LUZP1: variants seen among roughly 807,000 people sequenced by gnomAD.
The protein encoded by LUZP1 is filamin mechanobinding actin cross-linking protein.
Under a neutral mutation model 71.3 loss-of-function variants are expected in LUZP1, and 25 were observed. That is an observed-to-expected ratio of 0.35 (90% CI 0.26 to 0.49). LUZP1 has a LOEUF of 0.49. Ranked by LOEUF, LUZP1 falls within the 20% of genes least tolerant of loss-of-function variation. The pLI, the probability that LUZP1 is intolerant of heterozygous loss-of-function variation, is 0.99. For synonymous variants in LUZP1, 481 were observed against 506.4 expected (o/e 0.95, Z 0.67); for missense variants, 1,142 against 1,300.8 (o/e 0.88, Z 1.88).
chr1:23,176,879 TTTTTTG>T lies in LUZP1; in HGVS notation c.-485+606_-485+611del, dbSNP rs1557706560. ...CTTGGAGAGCTATAATTTTGGGGGG[TTTTTTG>T]TTTTTTGTTTTTTGAGACAGGGTCT... On this transcript the variant is annotated intron_variant, in intron 1 of 4. Transcript: ENST00000302291. Among the ~76,000 whole-genome samples, 7 of 127,602 alleles carry T rather than the reference TTTTTTG, an allele frequency of 5.5e-5. No homozygotes were observed. The East Asian group carries it at 7.6e-4, about 14-fold the overall frequency. The allele number at this position is 127,602 out of a possible 152,430, so 83.7% of individuals were successfully genotyped here.
At chr1:23,084,169 C>CAGAT (rs752152227) in exon 5 of LUZP1, 11 of 152,168 alleles carry the variant, frequency 7.2e-5, no homozygotes, top group East Asian at 1.9e-4. Flanking sequence ...GCTGGTTTAA[C>CAGAT]AGATTGCCAC....
chr1:23,089,347 G>A (rs1643818522), intron 4 of LUZP1, among the ~76,000 whole-genome samples: 1 of 152,116 alleles, frequency 6.6e-6, no homozygotes, highest in African/African-American at 2.4e-5. Context: ...ATGGGGGCAT[G>A]GGACTAGCAC....
chr1:23,117,496 T>C (rs902561866), intron 2 of LUZP1, among the ~76,000 whole-genome samples: 12 of 9,880 alleles, frequency 1.2e-3, no homozygotes, highest in Non-Finnish European at 1.4e-3. Context: ...CCCCCCACAA[T>C]CAGGAAGCCC....
At chr1:23,177,291 C>G (rs951654855) in intron 1 of LUZP1, among the ~76,000 whole-genome samples, 4 of 152,174 alleles carry the variant, frequency 2.6e-5, no homozygotes, top group Non-Finnish European at 5.9e-5. Flanking sequence ...AAGGGGTTCA[C>G]AGACCTCTGA....
chr1:23,116,267 G>C (rs1045957406), intron 2 of LUZP1, among the ~76,000 whole-genome samples: 1 of 152,162 alleles, frequency 6.6e-6, no homozygotes, highest in African/African-American at 2.4e-5. Context: ...TGTAGTCCCA[G>C]CTACTCGGGT....
At chr1:23,160,435 T>G (rs1315493215) in intron 2 of LUZP1, among the ~76,000 whole-genome samples, 1 of 152,318 alleles carries the variant, frequency 6.6e-6, no homozygotes, top group East Asian at 1.9e-4. Context: ...AAGAAGGAAC[T>G]CTGCATAGTT....
chr1:23,137,764 G>A (rs373619404), intron 2 of LUZP1, among the ~76,000 whole-genome samples: 23 of 152,182 alleles, frequency 1.5e-4, no homozygotes, highest in African/African-American at 5.1e-4. Context: ...TATTGAGAAT[G>A]TAACATGATA....
chr1:23,122,005 C>T (rs1335401140), intron 2 of LUZP1, among the ~76,000 whole-genome samples: 1 of 152,034 alleles, frequency 6.6e-6, no homozygotes, highest in Non-Finnish European at 1.5e-5. Context: ...GAGCAAGAGT[C>T]TGTCTTAAAA....
At chr1:23,114,378 C>G (rs945387223) in intron 2 of LUZP1, among the ~76,000 whole-genome samples, 1 of 152,134 alleles carries the variant, frequency 6.6e-6, no homozygotes, top group African/African-American at 2.4e-5. Context: ...AGTCTCTTCA[C>G]CAAAAAGCCA....
intron 2 of LUZP1, among the ~76,000 whole-genome samples, chr1:23,143,534 T>A (rs1644321504): frequency 1.3e-5 from 2 of 152,192 alleles, no homozygotes; most frequent in Non-Finnish European, 2.9e-5. Flanking sequence ...CTATAGTGTT[T>A]TAGTTGCTTC....
intron 2 of LUZP1, among the ~76,000 whole-genome samples, chr1:23,152,307 T>C (rs1413449215): frequency 2.0e-5 from 3 of 152,188 alleles, no homozygotes; most frequent in African/African-American, 7.2e-5. Flanking sequence ...AAACGTACTG[T>C]ATTTTTTTCC....
At chr1:23,170,001 A>C (rs1047206323) in intron 1 of LUZP1, among the ~76,000 whole-genome samples, 8 of 136,208 alleles carry the variant, frequency 5.9e-5, no homozygotes, top group African/African-American at 1.4e-4. Flanking sequence ...CACACACACA[A>C]AGTTTATCCA....
chr1:23,095,582 T>C (rs976638521), intron 3 of LUZP1, among the ~76,000 whole-genome samples: 1 of 152,110 alleles, frequency 6.6e-6, no homozygotes, highest in African/African-American at 2.4e-5. Context: ...AGGCAAGAGT[T>C]TGGGCTCAAT....
chr1:23,122,645 C>G (rs1278041560), intron 2 of LUZP1, among the ~76,000 whole-genome samples: 1 of 152,204 alleles, frequency 6.6e-6, no homozygotes, highest in Admixed American at 6.5e-5. Flanking sequence ...TACAAGATTC[C>G]AGGACACTGA....
At chr1:23,155,336 T>C (rs953476093) in intron 2 of LUZP1, among the ~76,000 whole-genome samples, 2 of 152,204 alleles carry the variant, frequency 1.3e-5, no homozygotes, top group African/African-American at 4.8e-5. Context: ...TTGACCTCAT[T>C]TACTTACAGG....
chr1:23,095,852 A>C (rs929626436), intron 3 of LUZP1, among the ~76,000 whole-genome samples: 1 of 152,118 alleles, frequency 6.6e-6, no homozygotes, highest in South Asian at 2.1e-4. Context: ...ACTAACATAA[A>C]ATGGCCATCA....
intron 1 of LUZP1, among the ~76,000 whole-genome samples, chr1:23,171,956 C>A (rs902717707): frequency 6.6e-6 from 1 of 152,200 alleles, no homozygotes; most frequent in Non-Finnish European, 1.5e-5. Context: ...CAGGAAAGAT[C>A]GGGATTCAAA....
intron 3 of LUZP1, among the ~76,000 whole-genome samples, chr1:23,106,161 A>T (rs1643979473): frequency 6.6e-6 from 1 of 152,218 alleles, no homozygotes; most frequent in South Asian, 2.1e-4. Flanking sequence ...AGCTAGCATG[A>T]TTTATTCTTA....
intron 2 of LUZP1, among the ~76,000 whole-genome samples, chr1:23,130,811 T>C (rs1464356326): frequency 9.2e-5 from 14 of 152,082 alleles, no homozygotes; most frequent in Admixed American, 7.9e-4. Context: ...CCCTCCTACT[T>C]CATCTCCTAT....
Sources: allele counts gnomAD v4.1 joint callset (sites outside exome capture counted in the v4.1 genomes callset), GRCh38; gene constraint gnomAD v4.1.1; transcripts MANE v1.5; gene names NCBI Gene and HGNC (gene_info 2026-07-23, HGNC 2026-07-21).